CCSER1: variants seen among roughly 807,000 people sequenced by gnomAD.
The protein encoded by CCSER1 is coiled-coil serine rich protein 1.
In CCSER1, 41 loss-of-function variants were observed where a neutral mutation model predicts 82.0. The observed-to-expected ratio is 0.50, with a 90% CI of 0.39 to 0.65. The LOEUF is 0.65. Among genes scored for constraint, CCSER1 ranks in the 30% least tolerant of loss-of-function variants. CCSER1 has a pLI of 0.00. For missense variants in CCSER1, 1,119 were observed against 1,064.2 expected (o/e 1.05, Z -0.72); for synonymous variants, 414 against 383.9 (o/e 1.08, Z -0.92).
At position 91,320,996 on chromosome 4, in the gene CCSER1, C is replaced by T. The variant is rs531651274; in HGVS notation, c.2217+235002C>T. Among the ~76,000 whole-genome samples, 7 of 152,100 alleles carry T rather than the reference C, an allele frequency of 4.6e-5. No individual in the cohort carries two copies. In the South Asian group the frequency reaches 1.5e-3, roughly 32 times the overall value. On this transcript the variant is annotated intron_variant, in intron 10 of 10. Coordinates refer to ENST00000509176, the MANE Select transcript of CCSER1 (RefSeq NM_001145065.2). ...ATTAATTCAGTTTGAAATTTTAAAA[C>T]AGGCTTTGGAATCATGATTGTTTTA...
intron 10 of CCSER1, among the ~76,000 whole-genome samples, chr4:91,202,765 T>TCATATATGTGTG (rs1736018098): frequency 3.3e-5 from 5 of 149,460 alleles, no homozygotes; most frequent in African/African-American, 1.2e-4. Context: ...ATATACACAC[T>TCATATATGTGTG]CATATATATG....
rs376843940 is a variant in CCSER1 at position 90,134,371 on chromosome 4, C to T, written c.-42+6540C>T. On this transcript the variant is annotated intron_variant, in intron 1 of 10. Coordinates refer to ENST00000509176, the MANE Select transcript of CCSER1 (RefSeq NM_001145065.2). Reference sequence around the variant, plus strand: ...ACCATCTTGAATGATGCTGCCATTGCTTCTTGGGTCACTGAGGACTTGGAG... The same window carrying T: ...ACCATCTTGAATGATGCTGCCATTGTTTCTTGGGTCACTGAGGACTTGGAG... Among the ~76,000 whole-genome samples the T allele has an allele frequency of 3.5e-4, 53 of 152,256 alleles. 1 individual carries two copies. The highest frequency in any genetic ancestry group is 1.2e-3 in the African/African-American group (50 of 41,542).
At chr4:90,482,328 G>C (rs1043089190) in intron 5 of CCSER1, among the ~76,000 whole-genome samples, 7 of 151,998 alleles carry the variant, frequency 4.6e-5, no homozygotes, top group Non-Finnish European at 7.4e-5. Flanking sequence ...ACCAGCTCCT[G>C]GATTCATTGA....
chr4:91,213,487 G>A (rs1736998031), intron 10 of CCSER1, among the ~76,000 whole-genome samples: 2 of 152,062 alleles, frequency 1.3e-5, no homozygotes, highest in African/African-American at 4.8e-5. Context: ...TGAACTCTTT[G>A]CTAAATAATG....
intron 1 of CCSER1, among the ~76,000 whole-genome samples, chr4:90,168,691 T>C (rs1238900116): frequency 2.0e-5 from 3 of 152,138 alleles, no homozygotes; most frequent in East Asian, 1.9e-4. Flanking sequence ...GCTTTCTACA[T>C]ATGGCTAGCC....
intron 7 of CCSER1, among the ~76,000 whole-genome samples, chr4:90,750,980 G>C (rs1748548559): frequency 1.3e-5 from 2 of 151,956 alleles, no homozygotes; most frequent in Non-Finnish European, 2.9e-5. Flanking sequence ...ACCTTTATTA[G>C]TAATCATTTC....
intron 1 of CCSER1, among the ~76,000 whole-genome samples, chr4:90,264,256 C>T (rs1371880426): frequency 2.0e-5 from 3 of 152,050 alleles, no homozygotes; most frequent in Non-Finnish European, 4.4e-5. Context: ...AGTTTTCTAC[C>T]CTCACTTTCA....
At chr4:91,271,706 CATAT>C (rs544475256) in intron 10 of CCSER1, among the ~76,000 whole-genome samples, 1 of 151,590 alleles carries the variant, frequency 6.6e-6, no homozygotes, top group East Asian at 1.9e-4. Context: ...ATATGATATA[CATAT>C]ATACATACAC....
intron 5 of CCSER1, among the ~76,000 whole-genome samples, chr4:90,476,797 C>T (rs1253209795): frequency 1.4e-4 from 21 of 152,102 alleles, no homozygotes; most frequent in Admixed American, 1.4e-3. Flanking sequence ...TGCAGTTACC[C>T]TGTCAAGGCA....
chr4:90,641,893 A>G (rs565866296), intron 6 of CCSER1: 3 of 277,644 alleles, frequency 1.1e-5, no homozygotes, highest in Non-Finnish European at 2.4e-5. Context: ...TCAATAATTA[A>G]TCAAATAACC....
chr4:90,960,147 C>G (rs1451805160), intron 9 of CCSER1, among the ~76,000 whole-genome samples: 1 of 152,034 alleles, frequency 6.6e-6, no homozygotes, highest in Non-Finnish European at 1.5e-5. Flanking sequence ...ACAGAGATAG[C>G]CTGTTCACAT....
intron 5 of CCSER1, among the ~76,000 whole-genome samples, chr4:90,538,094 C>T (rs1392804946): frequency 3.3e-5 from 5 of 152,206 alleles, no homozygotes; most frequent in Admixed American, 1.3e-4. Context: ...CTGATCTGCA[C>T]AGATATCTTT....
intron 5 of CCSER1, among the ~76,000 whole-genome samples, chr4:90,593,338 T>C (rs1162309286): frequency 6.6e-6 from 1 of 151,934 alleles, no homozygotes; most frequent in African/African-American, 2.4e-5. Context: ...AACAAAGAAT[T>C]AGATGAAAAT....
At chr4:90,580,672 G>T (rs1781329105) in intron 5 of CCSER1, among the ~76,000 whole-genome samples, 1 of 152,150 alleles carries the variant, frequency 6.6e-6, no homozygotes, top group Non-Finnish European at 1.5e-5. Flanking sequence ...AATATGCAGG[G>T]TCTGAGCAAC....
intron 10 of CCSER1, among the ~76,000 whole-genome samples, chr4:91,104,093 G>A (rs909569009): frequency 6.6e-6 from 1 of 152,106 alleles, no homozygotes; most frequent in Non-Finnish European, 1.5e-5. Context: ...GCTTACTAGG[G>A]TTGGGAAACT....
intron 10 of CCSER1, among the ~76,000 whole-genome samples, chr4:91,356,376 G>C (rs1436483945): frequency 6.6e-6 from 1 of 152,170 alleles, no homozygotes; most frequent in Non-Finnish European, 1.5e-5. Flanking sequence ...CATTTTTATT[G>C]ACTGTCATCT....
chr4:90,374,087 A>G (rs1342434567), intron 3 of CCSER1, among the ~76,000 whole-genome samples: 1 of 152,214 alleles, frequency 6.6e-6, no homozygotes, highest in African/African-American at 2.4e-5. Context: ...ATTAGCTTGC[A>G]AGTAAGGTAA....
At chr4:90,665,738 T>C (rs973921224) in intron 6 of CCSER1, among the ~76,000 whole-genome samples, 2 of 152,192 alleles carry the variant, frequency 1.3e-5, no homozygotes, top group African/African-American at 4.8e-5. Flanking sequence ...ATTGCTGCTG[T>C]AACAAATTAC....
At chr4:90,883,927 CAG>C (rs1288697240) in intron 8 of CCSER1, among the ~76,000 whole-genome samples, 1 of 151,958 alleles carries the variant, frequency 6.6e-6, no homozygotes, top group Non-Finnish European at 1.5e-5. Flanking sequence ...CTAAAATCAT[CAG>C]AGATTGGTGA....
Sources: allele counts gnomAD v4.1 joint callset (sites outside exome capture counted in the v4.1 genomes callset), GRCh38; gene constraint gnomAD v4.1.1; transcripts MANE v1.5; gene names NCBI Gene and HGNC (gene_info 2026-07-23, HGNC 2026-07-21).